FUT8: variants seen among roughly 807,000 people sequenced by gnomAD.
FUT8 encodes the protein fucosyltransferase 8.
Under a neutral mutation model 71.3 loss-of-function variants are expected in FUT8, and 29 were observed. That is an observed-to-expected ratio of 0.41 (90% CI 0.30 to 0.55). The LOEUF is 0.55. FUT8 is among the 20% of genes least tolerant of loss of function. The pLI, the probability that FUT8 is intolerant of heterozygous loss-of-function variation, is 0.34. For missense variants in FUT8, 544 were observed against 702.1 expected, an observed-to-expected ratio of 0.77 and a Z score of 2.55; for synonymous variants, 254 against 239.3, an observed-to-expected ratio of 1.06 and a Z score of -0.57.
intron 7 of FUT8, among the ~76,000 whole-genome samples, chr14:65,680,489 A>G (rs913377574): frequency 6.6e-6 from 1 of 152,200 alleles, no homozygotes; most frequent in Non-Finnish European, 1.5e-5. Flanking sequence ...TTTGTCTAAA[A>G]TCAATCAGTA....
At chr14:65,395,997 G>A in the FUT8 span, among the ~76,000 whole-genome samples, 2 of 152,116 alleles carry the variant, frequency 1.3e-5, no homozygotes, top group African/African-American at 4.8e-5. Context: ...CTAGGGCAGG[G>A]GCAAAATGTC....
chr14:65,734,098 A>G (rs7150233), intron 10 of FUT8, among the ~76,000 whole-genome samples: 127,991 of 152,100 alleles, frequency 0.84, 53,996 homozygotes, highest in East Asian at 1. Flanking sequence ...TGTTAAATGC[A>G]CTCAAAATTA....
At chr14:65,590,851 A>G (rs770513523) in intron 3 of FUT8, among the ~76,000 whole-genome samples, 3 of 152,140 alleles carry the variant, frequency 2.0e-5, no homozygotes, top group Non-Finnish European at 2.9e-5. Flanking sequence ...ATCTCCCTGG[A>G]TAAAATTCTC....
At chr14:65,411,747 G>C (rs906745130), upstream of FUT8, 1 of 313,978 alleles carries the variant, frequency 3.2e-6, no homozygotes. Flanking sequence ...TGGGTCCCAA[G>C]GCTACAGGGA....
intron 7 of FUT8, among the ~76,000 whole-genome samples, chr14:65,695,170 C>G (rs1172256557): frequency 6.6e-6 from 1 of 152,132 alleles, no homozygotes; most frequent in East Asian, 1.9e-4. Context: ...TTCTATAAAT[C>G]AATTAGATTG....
At chr14:65,662,436 G>T (rs2300867) in intron 6 of FUT8, among the ~76,000 whole-genome samples, 18,910 of 152,070 alleles carry the variant, frequency 0.12, 1,565 homozygotes, top group East Asian at 0.42. Context: ...GAATTCAGAA[G>T]AATCCTGTTA....
chr14:65,416,953 A>T (rs2065228695), intron 1 of FUT8, among the ~76,000 whole-genome samples: 1 of 151,468 alleles, frequency 6.6e-6, no homozygotes, highest in African/African-American at 2.4e-5. Context: ...GTGGCTAATT[A>T]TTTTTTAATA....
chr14:65,526,406 A>G (rs1413763450), intron 2 of FUT8, among the ~76,000 whole-genome samples: 1 of 151,642 alleles, frequency 6.6e-6, no homozygotes, highest in South Asian at 2.1e-4. Flanking sequence ...TTTGTTTTCC[A>G]TTTGCTTGGT....
intron 3 of FUT8, among the ~76,000 whole-genome samples, chr14:65,595,701 C>T (rs887264571): frequency 1.1e-4 from 17 of 149,120 alleles, no homozygotes; most frequent in South Asian, 4.3e-4. Flanking sequence ...CTCCGCCTCC[C>T]GGGTTCATGC....
chr14:65,500,902 A>G (rs2066635733), intron 2 of FUT8, among the ~76,000 whole-genome samples: 1 of 152,114 alleles, frequency 6.6e-6, no homozygotes, highest in African/African-American at 2.4e-5. Flanking sequence ...ATGCCATGAT[A>G]TTTGTTTCAA....
chr14:65,460,275 C>T (rs1338606322), intron 2 of FUT8, among the ~76,000 whole-genome samples: 3 of 152,306 alleles, frequency 2.0e-5, no homozygotes, highest in South Asian at 2.1e-4. Flanking sequence ...TCAAAGAAAT[C>T]TGTTTAGCAA....
chr14:65,571,710 T>C (rs1040276572), intron 3 of FUT8, among the ~76,000 whole-genome samples: 1 of 152,158 alleles, frequency 6.6e-6, no homozygotes, highest in Non-Finnish European at 1.5e-5. Flanking sequence ...TTTGTTATAT[T>C]GTCTTAATAT....
At chr14:65,395,704 G>A in the FUT8 span, among the ~76,000 whole-genome samples, 2 of 152,232 alleles carry the variant, frequency 1.3e-5, no homozygotes, top group Non-Finnish European at 2.9e-5. Context: ...GATGGGAGGG[G>A]CTGCCACAGA....
intron 2 of FUT8, chr14:65,516,234 A>G (rs1416728857): frequency 1.3e-5 from 2 of 152,218 alleles, no homozygotes; most frequent in Admixed American, 6.6e-5. Flanking sequence ...TTTATTTGAC[A>G]TGTTACAGCT....
intron 3 of FUT8, among the ~76,000 whole-genome samples, chr14:65,606,073 GTTT>G (rs34986420): frequency 3.4e-5 from 4 of 118,158 alleles, no homozygotes; most frequent in Non-Finnish European, 3.6e-5. Context: ...AAAATTGTTA[GTTT>G]TTTTTTTTTT....
intron 7 of FUT8, among the ~76,000 whole-genome samples, chr14:65,713,456 A>C (rs994839575): frequency 6.6e-6 from 1 of 152,032 alleles, no homozygotes; most frequent in Non-Finnish European, 1.5e-5. Context: ...CTCAATTTTT[A>C]GTTTTTTTGA....
At position 65,616,452 on chromosome 14, in the gene FUT8, A is replaced by G. The variant is rs10483782; in HGVS notation, c.482+79A>G. 49,240 of 1,235,520 alleles carry G rather than the reference A, an allele frequency of 0.04. 1,306 individuals are homozygous for G. Among genetic ancestry groups the G allele is most frequent in the Admixed American group, 0.091 (3,961 of 43,616 alleles). The allele number at this position is 1,235,520 out of a possible 1,614,324, so 76.5% of individuals were successfully genotyped here. ...GAATGAGAAACAGACTTGTTAATCC[A>G]TCTGTTGAGTGGTAAATATTAATAG... is the stretch of plus-strand genomic sequence containing the variant. On this transcript the variant is annotated intron_variant, in intron 5 of 10. Transcript: ENST00000673929.
chr14:65,604,260 A>C (rs1485414018), intron 3 of FUT8, among the ~76,000 whole-genome samples: 1 of 151,950 alleles, frequency 6.6e-6, no homozygotes, highest in Non-Finnish European at 1.5e-5. Flanking sequence ...AACTTAACAG[A>C]TATTTATAGA....
At chr14:65,578,778 G>T (rs1416640352) in intron 3 of FUT8, among the ~76,000 whole-genome samples, 3 of 152,150 alleles carry the variant, frequency 2.0e-5, no homozygotes, top group Non-Finnish European at 4.4e-5. Flanking sequence ...ATGTATTAGA[G>T]CTAGCCTGTG....
Sources: gnomAD v4.1 joint callset for allele counts (sites outside exome capture counted in the v4.1 genomes callset) on GRCh38, gnomAD v4.1.1 for gene constraint, MANE v1.5 for transcripts, NCBI Gene and HGNC (gene_info 2026-07-23, HGNC 2026-07-21) for gene names.